Variants in SYT1 observed in about 807,000 individuals in gnomAD.
SYT1 encodes synaptotagmin 1, also known as synaptotagmin-1.
Under a neutral mutation model 44.8 loss-of-function variants are expected in SYT1, and 8 were observed. The observed-to-expected ratio is 0.18, with a 90% CI of 0.10 to 0.32. The LOEUF (loss-of-function observed/expected upper bound fraction) is 0.32. Among genes scored for constraint, SYT1 ranks in the 10% least tolerant of loss-of-function variants. The pLI, the probability that SYT1 is intolerant of heterozygous loss-of-function variation, is 1.00. For synonymous variants in SYT1, 154 were observed against 188.8 expected (o/e 0.82, Z 1.51); for missense variants, 286 against 509.3 (o/e 0.56, Z 4.22).
At chr12:79,028,477 G>A (rs963087506) in intron 2 of SYT1, among the ~76,000 whole-genome samples, 1 of 151,258 alleles carries the variant, frequency 6.6e-6, no homozygotes, top group Non-Finnish European at 1.5e-5. Context: ...CTGTATATTC[G>A]TTACAGAGAC....
chr12:79,137,906 T>C (rs1380958999), intron 3 of SYT1, among the ~76,000 whole-genome samples: 1 of 152,218 alleles, frequency 6.6e-6, no homozygotes, highest in East Asian at 1.9e-4. Flanking sequence ...ACAAATTTCT[T>C]TGCTGTCATG....
chr12:79,020,800 C>T (rs1048617434), intron 2 of SYT1, among the ~76,000 whole-genome samples: 1 of 151,826 alleles, frequency 6.6e-6, no homozygotes, highest in African/African-American at 2.4e-5. Context: ...TTTGAAGAAA[C>T]CTGTGGTGTT....
At chr12:79,126,849 T>G (rs1189232998) in intron 3 of SYT1, among the ~76,000 whole-genome samples, 1 of 152,148 alleles carries the variant, frequency 6.6e-6, no homozygotes, top group Admixed American at 6.5e-5. Context: ...GTGAATTCTG[T>G]GCTTATTTGT....
Position 79,451,308 on chromosome 12 carries a change from T to G in SYT1, c.*2184T>G, listed in dbSNP as rs1871047219. On this transcript the variant is annotated 3_prime_UTR_variant, in exon 11 of 11. Transcript: ENST00000261205. ...AATAGAAAATATACACAAGTCAGAATGTGAAATTAAATAATGGTTTGAACA... is the reference window on the plus strand; with the variant it reads ...AATAGAAAATATACACAAGTCAGAAGGTGAAATTAAATAATGGTTTGAACA... 1 of 152,210 alleles carries G rather than the reference T, an allele frequency of 6.6e-6. No homozygotes were observed. Among genetic ancestry groups the G allele is most frequent in the Non-Finnish European group, 1.5e-5 (1 of 68,030 alleles). 9.4% of individuals were successfully genotyped at this position (152,210 alleles called of 1,614,324 possible). A position where few individuals can be genotyped will look rare whatever the true frequency, so the allele number is the denominator to read the frequency against.
At chr12:79,051,152 A>C (rs1366316367) in intron 3 of SYT1, among the ~76,000 whole-genome samples, 3 of 151,502 alleles carry the variant, frequency 2.0e-5, no homozygotes, top group Non-Finnish European at 4.4e-5. Flanking sequence ...TTAAAAAAAA[A>C]CTCTTCTCCA....
chr12:79,236,319 CCTTTCCAGCCT>C (rs1212306438), intron 4 of SYT1, among the ~76,000 whole-genome samples: 2 of 152,190 alleles, frequency 1.3e-5, no homozygotes, highest in African/African-American at 2.4e-5. Context: ...CCCCAACCTA[CCTTTCCAGCCT>C]CTTTCCAGCC....
At chr12:78,866,482 G>A (rs1873550237) in intron 1 of SYT1, among the ~76,000 whole-genome samples, 2 of 152,178 alleles carry the variant, frequency 1.3e-5, no homozygotes, top group African/African-American at 2.4e-5. Context: ...ACACCAACAT[G>A]CCCCTGGCTG....
At position 79,233,027 on chromosome 12, in the gene SYT1, T is replaced by C. The variant is rs372080727; in HGVS notation, c.166+15342T>C. Among the ~76,000 whole-genome samples, 8 of 152,324 alleles carry C rather than the reference T, an allele frequency of 5.3e-5. 1 individual carries two copies. Among genetic ancestry groups the C allele is most frequent in the Admixed American group, 3.3e-4 (5 of 15,300 alleles). ...CCCTTTCCTCGACCTTTCTTTAACA[T>C]TATCATCTTCTGTTCCCTTTCTTTC... On this transcript the variant is annotated intron_variant, in intron 4 of 10. Transcript: ENST00000261205.
At chr12:78,916,797 C>G (rs1485410473) in intron 1 of SYT1, among the ~76,000 whole-genome samples, 1 of 151,950 alleles carries the variant, frequency 6.6e-6, no homozygotes, top group Non-Finnish European at 1.5e-5. Flanking sequence ...TTTTAGAGCA[C>G]TTTTAGTTTC....
chr12:79,244,714 G>GA (rs201236952), intron 4 of SYT1, among the ~76,000 whole-genome samples: 5,779 of 88,416 alleles, frequency 0.065, 210 homozygotes, highest in East Asian at 0.19. Flanking sequence ...AAAAAAAGAA[G>GA]AAAAAAAAAA....
Position 79,123,309 on chromosome 12 carries a change from ATGTGTGTGTGTGTGTGTG to A in SYT1, c.-18+75973_-18+75990del, listed in dbSNP as rs66869713. Among the ~76,000 whole-genome samples the A allele has an allele frequency of 7.1e-5, 10 of 141,634 alleles. No homozygotes were observed. The East Asian group carries it at 1.7e-3, about 24-fold the overall frequency. The allele number at this position is 141,634 out of a possible 152,430, so 92.9% of individuals were successfully genotyped here. A position where few individuals can be genotyped will look rare whatever the true frequency, so the allele number is the denominator to read the frequency against. ...TGTTACATGTATCTCTAAAAATGCA[ATGTGTGTGTGTGTGTGTG>A]TGTGTGTGTGTGTGTGTGTGTGTGT... On this transcript the variant is annotated intron_variant, in intron 3 of 10. Transcript: ENST00000261205.
chr12:79,438,044 A>G (rs2136191102), intron 9 of SYT1, among the ~76,000 whole-genome samples: 1 of 152,242 alleles, frequency 6.6e-6, no homozygotes, highest in East Asian at 1.9e-4. Flanking sequence ...TGGGATCAGG[A>G]ATTATCTGGA....
intron 3 of SYT1, among the ~76,000 whole-genome samples, chr12:79,180,917 C>T (rs969318825): frequency 6.6e-6 from 1 of 151,986 alleles, no homozygotes; most frequent in African/African-American, 2.4e-5. Context: ...ATCATGGGGG[C>T]AGTTACCTCC....
chr12:79,305,507 A>G (rs954652421), intron 8 of SYT1, among the ~76,000 whole-genome samples: 1 of 152,072 alleles, frequency 6.6e-6, no homozygotes, highest in Non-Finnish European at 1.5e-5. Flanking sequence ...AATAATAGCT[A>G]TCATTTACTG....
chr12:79,051,965 G>A (rs539443921), intron 3 of SYT1, among the ~76,000 whole-genome samples: 4 of 152,172 alleles, frequency 2.6e-5, no homozygotes, highest in East Asian at 1.9e-4. Context: ...GTAGCGTGAT[G>A]CCTCCAGCTT....
intron 2 of SYT1, among the ~76,000 whole-genome samples, chr12:78,978,439 A>G (rs1869006891): frequency 6.6e-6 from 1 of 152,198 alleles, no homozygotes; most frequent in Non-Finnish European, 1.5e-5. Flanking sequence ...ATTCTTTCAT[A>G]TATGGCTAAT....
At chr12:79,418,643 A>G (rs546184589) in intron 9 of SYT1, among the ~76,000 whole-genome samples, 16 of 152,166 alleles carry the variant, frequency 1.1e-4, no homozygotes, top group Admixed American at 2.6e-4. Context: ...ATTCTCCAGC[A>G]GAGAGTTTGG....
chr12:79,186,447 T>C (rs891713285), intron 3 of SYT1, among the ~76,000 whole-genome samples: 1 of 152,066 alleles, frequency 6.6e-6, no homozygotes, highest in Non-Finnish European at 1.5e-5. Context: ...TGCCCATAAC[T>C]TTTTAATTGT....
At chr12:79,119,308 A>G (rs1879463828) in intron 3 of SYT1, among the ~76,000 whole-genome samples, 1 of 152,162 alleles carries the variant, frequency 6.6e-6, no homozygotes, top group Non-Finnish European at 1.5e-5. Context: ...TGCTTTTTAA[A>G]AACCTTTAAT....
Sources: gnomAD v4.1 joint callset for allele counts (sites outside exome capture counted in the v4.1 genomes callset) on GRCh38, gnomAD v4.1.1 for gene constraint, MANE v1.5 for transcripts, NCBI Gene and HGNC (gene_info 2026-07-23, HGNC 2026-07-21) for gene names.